Variants in CTDSPL observed in about 807,000 individuals in gnomAD.
CTDSPL encodes the protein CTD small phosphatase like.
CTDSPL carries 8 observed loss-of-function variants against 30.5 expected under a neutral mutation model. The observed-to-expected ratio is 0.26, with a 90% CI of 0.15 to 0.47. The LOEUF (loss-of-function observed/expected upper bound fraction) is 0.47, where lower values mean the gene tolerates loss of function less well. CTDSPL is among the 20% of genes least tolerant of loss of function. The pLI is 0.99. For synonymous variants in CTDSPL, 110 were observed against 137.9 expected, an observed-to-expected ratio of 0.80 and a Z score of 1.42; for missense variants, 248 against 366.1, an observed-to-expected ratio of 0.68 and a Z score of 2.63.
intron 3 of CTDSPL, among the ~76,000 whole-genome samples, chr3:37,962,425 T>C (rs1699254064): frequency 6.6e-6 from 1 of 152,262 alleles, no homozygotes; most frequent in Non-Finnish European, 1.5e-5. Flanking sequence ...GCTTGCTTAA[T>C]ATGAGTCTCA....
At chr3:37,887,744 A>G (rs1056210236) in intron 1 of CTDSPL, among the ~76,000 whole-genome samples, 6 of 152,208 alleles carry the variant, frequency 3.9e-5, no homozygotes, top group African/African-American at 1.4e-4. Flanking sequence ...GAGATAACTC[A>G]GTATGCGTCT....
At chr3:37,911,763 G>GAGAGAAGGAGGACA in intron 1 of CTDSPL, 1 of 456,150 alleles carries the variant, frequency 2.2e-6, no homozygotes, top group Non-Finnish European at 4.4e-6. Context: ...CCTCGCTAAA[G>GAGAGAAGGAGGACA]AGAGAAGGAG....
At chr3:37,919,472 C>T (rs924221077) in intron 1 of CTDSPL, among the ~76,000 whole-genome samples, 1 of 152,164 alleles carries the variant, frequency 6.6e-6, no homozygotes, top group African/African-American at 2.4e-5. Context: ...ATTTTCACCT[C>T]CAACTTTTTT....
At chr3:37,968,166 T>C in intron 5 of CTDSPL, 1 of 458,372 alleles carries the variant, frequency 2.2e-6, no homozygotes. Flanking sequence ...TGGCCTAGCT[T>C]GATGGTCTAA....
At chr3:37,962,960 C>T (rs894915238) in intron 3 of CTDSPL, among the ~76,000 whole-genome samples, 5 of 152,226 alleles carry the variant, frequency 3.3e-5, no homozygotes, top group Non-Finnish European at 7.3e-5. Context: ...GCTCATCACA[C>T]TCTGCCTTTT....
At chr3:37,950,233 T>G (rs1360183525) in intron 2 of CTDSPL, among the ~76,000 whole-genome samples, 5 of 152,192 alleles carry the variant, frequency 3.3e-5, no homozygotes, top group African/African-American at 9.7e-5. Flanking sequence ...CTCCCTCATT[T>G]GCCACTTCCC....
intron 1 of CTDSPL, among the ~76,000 whole-genome samples, chr3:37,865,610 A>C (rs73056943): frequency 1.3e-5 from 2 of 152,226 alleles, no homozygotes; most frequent in Non-Finnish European, 2.9e-5. Context: ...TTCTTCCCAC[A>C]TAATAAGCTG....
Position 37,862,387 on chromosome 3 carries a change from C to G in CTDSPL, c.79+109C>G, listed in dbSNP as rs972194785. The G allele has an allele frequency of 4.6e-5, 42 of 911,718 alleles. 1 individual carries two copies. In the South Asian group the frequency reaches 5.7e-4, roughly 12 times the overall value. The allele number at this position is 911,718 out of a possible 1,614,324, so 56.5% of individuals were successfully genotyped here. The stretch of plus-strand genomic sequence containing the variant: ...GCCTGGGGGAGGGGTGCACAGGGCC[C>G]GGAGGGTGCGTGGGTGTGGGGTGCG... On this transcript the variant is annotated intron_variant, in intron 1 of 7. Transcript: ENST00000273179. This position sits in a 1 kb window ranked among gnomAD's most constrained non-coding sequence, Gnocchi z 4.3.
At chr3:37,890,529 A>AT (rs145083052) in intron 1 of CTDSPL, among the ~76,000 whole-genome samples, 4,502 of 152,184 alleles carry the variant, frequency 0.03, 174 homozygotes, top group African/African-American at 0.091. Flanking sequence ...GGGTTTTAAA[A>AT]TTTTTTTTCA....
At chr3:37,880,073 T>C (rs568073490) in intron 1 of CTDSPL, among the ~76,000 whole-genome samples, 90 of 149,912 alleles carry the variant, frequency 6.0e-4, no homozygotes, top group African/African-American at 1.9e-3. Flanking sequence ...CAAAGTGCCA[T>C]GGAAGCTATC....
chr3:37,901,705 C>T (rs1698452517), intron 1 of CTDSPL, among the ~76,000 whole-genome samples: 1 of 152,148 alleles, frequency 6.6e-6, no homozygotes, highest in Non-Finnish European at 1.5e-5. Context: ...AGAGAAGGCT[C>T]TAGAGTTGAA....
intron 1 of CTDSPL, among the ~76,000 whole-genome samples, chr3:37,882,003 A>G (rs993665565): frequency 6.6e-6 from 1 of 152,206 alleles, no homozygotes; most frequent in African/African-American, 2.4e-5. Context: ...TGTATGTTTA[A>G]TATTTCATAA....
chr3:37,891,413 G>A (rs1332669768), intron 1 of CTDSPL, among the ~76,000 whole-genome samples: 1 of 152,204 alleles, frequency 6.6e-6, no homozygotes, highest in Non-Finnish European at 1.5e-5. Flanking sequence ...GAAGGAAAGG[G>A]CCCTTCTACT....
intron 1 of CTDSPL, among the ~76,000 whole-genome samples, chr3:37,889,301 C>G (rs1441550392): frequency 6.6e-6 from 1 of 152,150 alleles, no homozygotes; most frequent in Non-Finnish European, 1.5e-5. Flanking sequence ...ATTTGGATAT[C>G]AAACTGTTTG....
At chr3:37,876,831 T>G (rs1698139970) in intron 1 of CTDSPL, among the ~76,000 whole-genome samples, 1 of 151,992 alleles carries the variant, frequency 6.6e-6, no homozygotes, top group Non-Finnish European at 1.5e-5. Flanking sequence ...AACATTAAAT[T>G]TAGCAGTGGC....
chr3:37,929,016 A>C (rs1698818591), intron 1 of CTDSPL, among the ~76,000 whole-genome samples: 1 of 152,194 alleles, frequency 6.6e-6, no homozygotes, highest in African/African-American at 2.4e-5. Flanking sequence ...TTTTGCCAGC[A>C]CCATGTCTTG....
chr3:37,879,401 C>T (rs142068145), intron 1 of CTDSPL, among the ~76,000 whole-genome samples: 1,602 of 152,324 alleles, frequency 0.011, 33 homozygotes, highest in South Asian at 0.078. Context: ...TTCTAAAGCA[C>T]AGCTCTGAAA....
intron 1 of CTDSPL, among the ~76,000 whole-genome samples, chr3:37,916,225 C>CA (rs1698644708): frequency 6.6e-6 from 1 of 152,202 alleles, no homozygotes; most frequent in Non-Finnish European, 1.5e-5. Context: ...CATTATTCCT[C>CA]ACTACCTGCT....
chr3:37,958,667 C>G (rs1699202329), intron 3 of CTDSPL, among the ~76,000 whole-genome samples: 2 of 152,162 alleles, frequency 1.3e-5, no homozygotes, highest in Admixed American at 1.3e-4. Context: ...ATAAGATAAA[C>G]AAGAAGAAAA....
Sources: gnomAD v4.1 joint callset for allele counts (sites outside exome capture counted in the v4.1 genomes callset) on GRCh38, gnomAD v4.1.1 for gene constraint, Gnocchi (gnomAD v3.1) non-coding constraint, MANE v1.5 for transcripts, NCBI Gene and HGNC (gene_info 2026-07-23, HGNC 2026-07-21) for gene names.